The following DLGAP2 variants were observed in gnomAD, a reference collection of about 807,000 sequenced individuals.
The protein encoded by DLGAP2 is DLG associated protein 2, also known as disks large-associated protein 2.
Under a neutral mutation model 100.3 loss-of-function variants are expected in DLGAP2, and 26 were observed. That is an observed-to-expected ratio of 0.26 (90% CI 0.19 to 0.36). The LOEUF (loss-of-function observed/expected upper bound fraction) is 0.36. Ranked by LOEUF, DLGAP2 falls within the 10% of genes least tolerant of loss-of-function variation. The pLI is 1.00. For synonymous variants in DLGAP2, 886 were observed against 630.1 expected (o/e 1.41, Z -6.08); for missense variants, 1,858 against 1,453.2 (o/e 1.28, Z -4.53).
rs551884847 is a variant in DLGAP2 at position 1,367,049 on chromosome 8, C to T, written c.106+108166C>T. Among the ~76,000 whole-genome samples, 144 of 152,316 alleles carry T rather than the reference C, an allele frequency of 9.5e-4. 3 individuals carry two copies. Among genetic ancestry groups the T allele is most frequent in the African/African-American group, 3.4e-3 (140 of 41,566 alleles). On this transcript the variant is annotated intron_variant, in intron 3 of 14. Transcript: ENST00000637795. Reference sequence around the variant, plus strand: ...CCTCCAACACACACACATGTGACCACAGACCCCGGTAAATAACACTGTTAA... The same window carrying T: ...CCTCCAACACACACACATGTGACCATAGACCCCGGTAAATAACACTGTTAA...
In DLGAP2 at chr8:1,076,903, G is replaced by T. The variant is rs1177828369; in HGVS notation, c.73+168937G>T. ...AGAGGGGGAGGAGGAGTCTGTCCCG[G>T]CCCCCCCCAAGACCAAGAGGAGGAG... On this transcript the variant is annotated intron_variant, in intron 2 of 14. Transcript: ENST00000637795. Among the ~76,000 whole-genome samples, 4 of 139,646 alleles carry T rather than the reference G, an allele frequency of 2.9e-5. No homozygotes were observed. The Admixed American group carries it at 2.9e-4, about 10-fold the overall frequency. The allele number at this position is 139,646 out of a possible 152,430, so 91.6% of individuals were successfully genotyped here.
At chr8:1,455,044 A>T (rs867212459) in intron 3 of DLGAP2, among the ~76,000 whole-genome samples, 2 of 151,946 alleles carry the variant, frequency 1.3e-5, no homozygotes, top group African/African-American at 4.8e-5. Context: ...GGAGGGGGGG[A>T]TACCGGATGC....
At chr8:1,038,288 T>G (rs1187738272) in intron 2 of DLGAP2, among the ~76,000 whole-genome samples, 1 of 152,226 alleles carries the variant, frequency 6.6e-6, no homozygotes, top group African/African-American at 2.4e-5. Context: ...AGAACCTTTT[T>G]TCCTTCCAAG....
intron 3 of DLGAP2, among the ~76,000 whole-genome samples, chr8:1,367,438 G>A (rs747258740): frequency 1.2e-4 from 19 of 152,208 alleles, no homozygotes; most frequent in African/African-American, 3.4e-4. Context: ...ACTAATGGGC[G>A]TTGTGGCTCA....
chr8:953,744 G>A (rs1186188836), intron 2 of DLGAP2, among the ~76,000 whole-genome samples: 11 of 152,116 alleles, frequency 7.2e-5, no homozygotes, highest in Non-Finnish European at 1.2e-4. Context: ...AAAGTGCCGA[G>A]TGGAGCTGAC....
At chr8:1,153,965 T>A (rs557442930) in intron 2 of DLGAP2, among the ~76,000 whole-genome samples, 1 of 152,184 alleles carries the variant, frequency 6.6e-6, no homozygotes, top group East Asian at 1.9e-4. Context: ...TTTGCAGTGA[T>A]CTTATTTTTC....
chr8:1,565,201 A>C (rs569213767), intron 5 of DLGAP2, among the ~76,000 whole-genome samples: 1 of 152,350 alleles, frequency 6.6e-6, no homozygotes, highest in Non-Finnish European at 1.5e-5. Context: ...GAGAATTTGC[A>C]TGTATGATAG....
At chr8:1,557,935 G>T (rs185776714) in intron 5 of DLGAP2, among the ~76,000 whole-genome samples, 2 of 152,318 alleles carry the variant, frequency 1.3e-5, no homozygotes, top group East Asian at 1.9e-4. Flanking sequence ...TAGGAATTTG[G>T]AGGAACACAA....
chr8:1,586,055 A>G (rs1177690154), intron 6 of DLGAP2, among the ~76,000 whole-genome samples: 1 of 152,226 alleles, frequency 6.6e-6, no homozygotes, highest in Non-Finnish European at 1.5e-5. Context: ...TGCTGTCATA[A>G]AAACTGCCAC....
At chr8:1,336,637 G>A (rs747507113) in intron 3 of DLGAP2, among the ~76,000 whole-genome samples, 4 of 152,140 alleles carry the variant, frequency 2.6e-5, no homozygotes, top group South Asian at 2.1e-4. Context: ...CTGCACCTCC[G>A]ATGCATCTGG....
intron 8 of DLGAP2, among the ~76,000 whole-genome samples, chr8:1,643,434 G>A (rs1585026443): frequency 4.4e-5 from 1 of 22,972 alleles, no homozygotes; most frequent in Non-Finnish European, 7.0e-5. Flanking sequence ...GGAACCCGCC[G>A]GCCCTCACCT....
chr8:874,008 C>A (rs1238433945), intron 1 of DLGAP2, among the ~76,000 whole-genome samples: 1 of 152,118 alleles, frequency 6.6e-6, no homozygotes, highest in African/African-American at 2.4e-5. Context: ...TAAAATTATT[C>A]ATAGTGTTCC....
At chr8:877,203 G>T (rs1369866844) in intron 1 of DLGAP2, among the ~76,000 whole-genome samples, 1 of 151,936 alleles carries the variant, frequency 6.6e-6, no homozygotes, top group African/African-American at 2.4e-5. Flanking sequence ...CTATCTCTTT[G>T]CATGTCTCAT....
In DLGAP2 at chr8:1,708,377, G is replaced by T. The variant is rs761749157; in HGVS notation, c.*6971G>T. 6.6e-6 allele frequency: 1 copy of T among 152,108 alleles called. No homozygotes were observed. The highest frequency in any genetic ancestry group is 2.4e-5 in the African/African-American group (1 of 41,418). The allele number at this position is 152,108 out of a possible 1,614,324, so 9.4% of individuals were successfully genotyped here. On this transcript the variant is annotated 3_prime_UTR_variant, in exon 15 of 15. Coordinates refer to ENST00000637795, the MANE Select transcript of DLGAP2 (RefSeq NM_001346810.2). Reference sequence around the variant, plus strand: ...TATCCTCAATTTCTCTATATTTTAAGAAGTAATGGACATTTATTAAGGTTA... The same window carrying T: ...TATCCTCAATTTCTCTATATTTTAATAAGTAATGGACATTTATTAAGGTTA...
intron 8 of DLGAP2, among the ~76,000 whole-genome samples, chr8:1,667,536 C>G (rs1319852872): frequency 2.6e-5 from 4 of 152,196 alleles, no homozygotes; most frequent in African/African-American, 9.6e-5. Context: ...AAGTAAGTTT[C>G]TGCTATTATA....
rs546877839 is a variant in DLGAP2 at position 839,926 on chromosome 8, C to A, written c.19-67986C>A. Among the ~76,000 whole-genome samples the A allele has an allele frequency of 9.3e-5, 14 of 150,890 alleles. No individual in the cohort carries two copies. The South Asian group carries it at 3.0e-3, about 32-fold the overall frequency. ...CCCCACACTCTGGGTTCTGCAAGCG[C>A]ATCTACACGGTGCACACCTGCATGT... On this transcript the variant is annotated intron_variant, in intron 1 of 14. Coordinates refer to ENST00000637795, the MANE Select transcript of DLGAP2 (RefSeq NM_001346810.2).
intron 6 of DLGAP2, among the ~76,000 whole-genome samples, chr8:1,567,534 G>T (rs1217504030): frequency 6.6e-6 from 1 of 152,162 alleles, no homozygotes; most frequent in Non-Finnish European, 1.5e-5. Flanking sequence ...ATTACGAACG[G>T]CGTTTTCCTG....
intron 2 of DLGAP2, among the ~76,000 whole-genome samples, chr8:1,241,889 A>C (rs967724242): frequency 6.6e-6 from 1 of 152,224 alleles, no homozygotes; most frequent in African/African-American, 2.4e-5. Flanking sequence ...CACTGTTAAA[A>C]TGACTTTTCT....
intron 2 of DLGAP2, among the ~76,000 whole-genome samples, chr8:1,227,278 C>T (rs1425285361): frequency 2.8e-5 from 4 of 141,946 alleles, no homozygotes; most frequent in African/African-American, 1.2e-4. Flanking sequence ...AAAATAAGAT[C>T]CTTATGTAAT....
Sources: gnomAD v4.1 joint callset for allele counts (sites outside exome capture counted in the v4.1 genomes callset) on GRCh38, gnomAD v4.1.1 for gene constraint, MANE v1.5 for transcripts, NCBI Gene and HGNC (gene_info 2026-07-23, HGNC 2026-07-21) for gene names.